The following NPRL3 variants were observed in gnomAD, a reference collection of about 807,000 sequenced individuals.
NPRL3 encodes the protein GATOR1 complex protein NPRL3.
In NPRL3, 23 loss-of-function variants were observed where a neutral mutation model predicts 57.2. That is an observed-to-expected ratio of 0.40 (90% CI 0.29 to 0.57). NPRL3 has a LOEUF of 0.57. Among genes scored for constraint, NPRL3 ranks in the 20% least tolerant of loss-of-function variants. The probability of loss-of-function intolerance (pLI) is 0.42; values close to 1 mark genes in which losing one functional copy is unlikely to be tolerated. For missense variants in NPRL3, 691 were observed against 767.1 expected, an observed-to-expected ratio of 0.90 and a Z score of 1.17; for synonymous variants, 333 against 321.1, an observed-to-expected ratio of 1.04 and a Z score of -0.39.
intron 9 of NPRL3, among the ~76,000 whole-genome samples, chr16:95,350 T>TACACACACACACACACAC (rs142854412): frequency 9.0e-6 from 1 of 110,990 alleles, no homozygotes; most frequent in African/African-American, 3.7e-5. Flanking sequence ...TATATATATA[T>TACACACACACACACACAC]ACACACACAC....
chr16:109,350 C>T (rs923905550), intron 7 of NPRL3, among the ~76,000 whole-genome samples: 1 of 152,118 alleles, frequency 6.6e-6, no homozygotes, highest in Non-Finnish European at 1.5e-5. Flanking sequence ...TCAAGGCTTG[C>T]TGCCCTCACA....
intron 3 of NPRL3, among the ~76,000 whole-genome samples, chr16:129,853 C>T (rs1186276886): frequency 1.3e-5 from 2 of 152,088 alleles, no homozygotes; most frequent in African/African-American, 4.8e-5. Flanking sequence ...TTTAAGGGAA[C>T]CCAGGGCAGG....
chr16:89,197 G>A (rs1208613594), intron 12 of NPRL3: 2 of 397,148 alleles, frequency 5.0e-6, no homozygotes, highest in African/African-American at 4.0e-5. Context: ...CAGGATGGAG[G>A]ACAAAGCACC....
Position 110,620 on chromosome 16 carries a change from A to G in NPRL3, c.548-14T>C. Reference sequence around the variant, plus strand: ...GACCTTCATTTCCTACAAGAATCACAACACAAGATTTACAGCTCCCGGGTT... The same window carrying G: ...GACCTTCATTTCCTACAAGAATCACGACACAAGATTTACAGCTCCCGGGTT... On this transcript the variant is annotated splice_polypyrimidine_tract_variant and intron_variant, in intron 6 of 13. Transcript: ENST00000611875. The G allele has an allele frequency of 7.5e-6, 12 of 1,599,538 alleles. No homozygotes were observed. Among genetic ancestry groups the G allele is most frequent in the Non-Finnish European group, 1.0e-5 (12 of 1,171,720 alleles).
Position 86,299 on chromosome 16 carries a change from T to TTC in NPRL3, c.*404_*405dup. On this transcript the variant is annotated 3_prime_UTR_variant, in exon 14 of 14. Coordinates refer to ENST00000611875, the MANE Select transcript of NPRL3 (RefSeq NM_001077350.3). Reference sequence around the variant, plus strand: ...AGACAGGGACAGGCCACACAAGTGTTTCTGCACATTCTTCAGGGTGGCCAC... The same window carrying TTC: ...AGACAGGGACAGGCCACACAAGTGTTTCTCTGCACATTCTTCAGGGTGGCCAC... The TTC allele has an allele frequency of 5.0e-6, 1 of 199,816 alleles. No homozygotes were observed. 12.4% of individuals were successfully genotyped at this position (199,816 alleles called of 1,614,324 possible).
intron 2 of NPRL3, among the ~76,000 whole-genome samples, chr16:137,481 C>T (rs554852553): frequency 6.6e-6 from 1 of 152,266 alleles, no homozygotes; most frequent in African/African-American, 2.4e-5. Context: ...CAACTCCCAA[C>T]ACGGCCAGGG....
intron 5 of NPRL3, among the ~76,000 whole-genome samples, chr16:114,960 G>GT (rs1473567209): frequency 1.1e-4 from 17 of 148,170 alleles, no homozygotes; most frequent in Non-Finnish European, 2.2e-4. Flanking sequence ...ATTTTTCAGA[G>GT]TAAAAAAAAA....
chr16:85,533 C>A lies in NPRL3; in HGVS notation c.*1172G>T, dbSNP rs748478874. On this transcript the variant is annotated 3_prime_UTR_variant, in exon 14 of 14. Transcript: ENST00000611875. ...AAGGACCGCGAGCTCTGCAGTGGCCCCTCCAAGCTGTGCCAGGCCCTGGCC... is the reference window on the plus strand; with the variant it reads ...AAGGACCGCGAGCTCTGCAGTGGCCACTCCAAGCTGTGCCAGGCCCTGGCC... 6.2e-7 allele frequency: 1 copy of A among 1,613,412 alleles called. No homozygotes were observed. Among genetic ancestry groups the A allele is most frequent in the Non-Finnish European group, 8.5e-7 (1 of 1,180,038 alleles).
In NPRL3 at chr16:138,283, G is replaced by A. The variant is rs563513865; in HGVS notation, c.-16C>T. 1.3e-6 allele frequency: 2 copies of A among 1,581,508 alleles called. No individual in the cohort carries two copies. The highest frequency in any genetic ancestry group is 2.7e-5 in the African/African-American group (2 of 73,942). Reference sequence around the variant, plus strand: ...TGTCCCGCATCCCGCCGTGGGGCCGGGGCCGGGGGCGGAGGGGGCCAGAGG... The same window carrying A: ...TGTCCCGCATCCCGCCGTGGGGCCGAGGCCGGGGGCGGAGGGGGCCAGAGG... On this transcript the variant is annotated 5_prime_UTR_variant, in exon 2 of 14. Transcript: ENST00000611875.
rs201816896 is a variant in NPRL3, at chr16:88,868, G to A, written c.1374C>T (p.Leu458=). The A allele has an allele frequency of 9.9e-6, 16 of 1,612,880 alleles. No individual in the cohort carries two copies. In the South Asian group the frequency reaches 1.8e-4, roughly 18 times the overall value. The change falls in exon 13 of 14, where the codon CTC becomes CTT. Residue 458 remains leucine, a synonymous_variant. Transcript: ENST00000611875. ...GSPTSSDDMT[L]TSPSMDNSSA... ...TGGAGTTGTCCATGCTGGGGCTGGT[G>A]AGGGTCATGTCATCGCTGCTGGCTG...
chr16:117,759 C>T (rs1241669098), intron 4 of NPRL3, among the ~76,000 whole-genome samples: 2 of 152,324 alleles, frequency 1.3e-5, no homozygotes, highest in African/African-American at 2.4e-5. Context: ...AGGGACAGGA[C>T]GATGTTCAGG....
intron 7 of NPRL3, among the ~76,000 whole-genome samples, chr16:104,292 CA>C (rs1360175852): frequency 1.3e-5 from 2 of 151,062 alleles, no homozygotes; most frequent in Non-Finnish European, 2.9e-5. Flanking sequence ...GACCCTGTCT[CA>C]AAAAAAATTG....
At position 86,803 on chromosome 16, in the gene NPRL3, A is replaced by C. The variant is rs1898492801; in HGVS notation, c.1612T>G (p.Ser538Ala). ...TTGTCAAACAGCATGAGCAGCTGGGAGCGCCGCGTGTTCTCGTTGTACATA... is the reference window on the plus strand; with the variant it reads ...TTGTCAAACAGCATGAGCAGCTGGGCGCGCCGCGTGTTCTCGTTGTACATA... Reference protein sequence around the residue: ...EIMYNENTRRSQLLMLFDKFR... With the variant: ...EIMYNENTRRAQLLMLFDKFR... Residue 538 changes from serine (S) to alanine (A), a missense_variant, in exon 14 of 14, where the codon TCC (serine) becomes GCC (alanine). By Grantham distance (99) the Ser-to-Ala change is moderately conservative. Transcript: ENST00000611875. The C allele has an allele frequency of 2.5e-6, 4 of 1,611,992 alleles. No homozygotes were observed. The highest frequency in any genetic ancestry group is 3.4e-6 in the Non-Finnish European group (4 of 1,179,258).
intron 2 of NPRL3, among the ~76,000 whole-genome samples, chr16:132,748 C>T (rs1405734588): frequency 6.6e-6 from 1 of 150,382 alleles, no homozygotes; most frequent in Non-Finnish European, 1.5e-5. Flanking sequence ...CGGCTCACTG[C>T]AAGCTCCGCC....
At chr16:103,975 G>A (rs777330438) in intron 7 of NPRL3, among the ~76,000 whole-genome samples, 1 of 152,154 alleles carries the variant, frequency 6.6e-6, no homozygotes, top group Non-Finnish European at 1.5e-5. Context: ...TTAGCTGGGC[G>A]TGGTGGTGCA....
chr16:127,797 G>T (rs550509669), intron 3 of NPRL3, among the ~76,000 whole-genome samples: 30 of 151,590 alleles, frequency 2.0e-4, no homozygotes, highest in African/African-American at 7.3e-4. Flanking sequence ...TGGGACTACA[G>T]GCGCCCGCCA....
chr16:106,416 T>G (rs558664506), intron 7 of NPRL3, among the ~76,000 whole-genome samples: 33 of 151,924 alleles, frequency 2.2e-4, no homozygotes, highest in Non-Finnish European at 4.4e-5. Flanking sequence ...GTAGATTGCT[T>G]GAGTCCAGGA....
intron 9 of NPRL3, 63 bp from the exon 10 acceptor site, chr16:93,388 A>ATGGTG (rs1898848326): frequency 9.0e-7 from 1 of 1,113,494 alleles, no homozygotes; most frequent in African/African-American, 1.6e-5. Context: ...AGCTGTCAGC[A>ATGGTG]GCTCTCAGCC....
chr16:122,011 G>A (rs1454742747), intron 3 of NPRL3, among the ~76,000 whole-genome samples: 1 of 151,778 alleles, frequency 6.6e-6, no homozygotes, highest in Non-Finnish European at 1.5e-5. Context: ...CTGACCTCAG[G>A]TGATCCGCCC....
Sources: allele counts gnomAD v4.1 joint callset (sites outside exome capture counted in the v4.1 genomes callset), GRCh38; gene constraint gnomAD v4.1.1; transcripts MANE v1.5; gene names NCBI Gene and HGNC (gene_info 2026-07-23, HGNC 2026-07-21).